FANK1: variants seen among roughly 807,000 people sequenced by gnomAD.
FANK1 encodes the protein fibronectin type 3 and ankyrin repeat domains protein 1.
In FANK1, 44 loss-of-function variants were observed where a neutral mutation model predicts 45.3. That is an observed-to-expected ratio of 0.97 (90% CI 0.76 to 1.25). The LOEUF is 1.25. Ranked by LOEUF, FANK1 falls within the 50% of genes most tolerant of loss-of-function variation. The pLI, the probability that FANK1 is intolerant of heterozygous loss-of-function variation, is 0.00. For synonymous variants in FANK1, 149 were observed against 152.5 expected, an observed-to-expected ratio of 0.98 and a Z score of 0.17; for missense variants, 391 against 424.4, an observed-to-expected ratio of 0.92 and a Z score of 0.69.
Position 125,988,621 on chromosome 10 carries a change from A to T in FANK1, c.262A>T (p.Thr88Ser). The part of the protein sequence containing the change: ...RTLYRFRLKV[T>S]SPSGECEYSP... ...GCTGTACAGATTTCGCCTGAAGGTCACCAGCCCCTCTGGGGAGTGTGAGTA... is the reference window on the plus strand; with the variant it reads ...GCTGTACAGATTTCGCCTGAAGGTCTCCAGCCCCTCTGGGGAGTGTGAGTA... The change falls in exon 3 of 11, where the codon ACC becomes TCC. Residue 88 changes from threonine to serine, a missense_variant. Thr to Ser is a moderately conservative substitution (Grantham distance 58, BLOSUM62 1). Transcript: ENST00000368693. 1 of 1,614,180 alleles carries T rather than the reference A, an allele frequency of 6.2e-7. No individual in the cohort carries two copies. Among genetic ancestry groups the T allele is most frequent in the Middle Eastern group, 1.6e-4 (1 of 6,062 alleles).
At chr10:125,996,525 A>C (rs1952341686) in intron 4 of FANK1, 25 bp from the exon 5 acceptor site, 1 of 1,612,762 alleles carries the variant, frequency 6.2e-7, no homozygotes, top group African/African-American at 1.3e-5. Context: ...GAGCATGTTT[A>C]TCTCTTTTCT....
chr10:125,993,723 C>T (rs763881056), intron 3 of FANK1, among the ~76,000 whole-genome samples: 15 of 152,066 alleles, frequency 9.9e-5, no homozygotes, highest in African/African-American at 1.7e-4. Context: ...GACAGGTTAT[C>T]GTGCGACTTT....
chr10:125,942,341 C>T (rs1051597395), intron 1 of FANK1, among the ~76,000 whole-genome samples: 15 of 152,238 alleles, frequency 9.9e-5, no homozygotes, highest in South Asian at 2.1e-4. Context: ...TGTTTACCTA[C>T]GTAACAAACC....
chr10:125,906,123 C>T (rs541982247), intron 1 of FANK1, among the ~76,000 whole-genome samples: 16 of 152,386 alleles, frequency 1.0e-4, no homozygotes, highest in South Asian at 2.1e-4. Flanking sequence ...TAGCAGCAAC[C>T]GCCATAAGCC....
intron 1 of FANK1, among the ~76,000 whole-genome samples, chr10:125,924,882 A>G (rs1316162415): frequency 6.6e-6 from 1 of 152,242 alleles, no homozygotes; most frequent in Admixed American, 6.5e-5. Context: ...AGTTTTTAAT[A>G]TGTAGAACTG....
intron 1 of FANK1, among the ~76,000 whole-genome samples, chr10:125,903,445 C>T (rs1414642003): frequency 6.6e-6 from 1 of 152,256 alleles, no homozygotes; most frequent in Admixed American, 6.5e-5. Flanking sequence ...TTGCTGTGCC[C>T]CAGACCTTTC....
At chr10:125,979,978 A>G in intron 1 of FANK1, 183 bp from the exon 2 acceptor site, 1 of 650,384 alleles carries the variant, frequency 1.5e-6, no homozygotes, top group Non-Finnish European at 2.7e-6. Context: ...TAGCTCACAC[A>G]TCAGCTGAAT....
At chr10:125,961,523 C>CT (rs1240871267) in intron 1 of FANK1, among the ~76,000 whole-genome samples, 3 of 151,904 alleles carry the variant, frequency 2.0e-5, no homozygotes, top group African/African-American at 7.3e-5. Flanking sequence ...GAAAATAGAC[C>CT]CTCACCTCTC....
At chr10:125,995,624 TC>T in intron 4 of FANK1, 126 bp downstream of exon 4, 1 of 792,710 alleles carries the variant, frequency 1.3e-6, no homozygotes, top group Non-Finnish European at 2.2e-6. Context: ...AAAATGGATC[TC>T]AGGTGACTGG....
At chr10:125,973,423 C>T (rs189501077) in intron 1 of FANK1, 8 of 985,120 alleles carry the variant, frequency 8.1e-6, no homozygotes, top group East Asian at 1.1e-4. Context: ...GATACAAGGA[C>T]GTGAAGATGT....
intron 1 of FANK1, among the ~76,000 whole-genome samples, chr10:125,949,186 G>A (rs1295897546): frequency 1.3e-5 from 2 of 151,642 alleles, no homozygotes; most frequent in African/African-American, 4.9e-5. Flanking sequence ...AAAACTGGAA[G>A]CATTCCCTTT....
chr10:125,985,679 T>C (rs1018924507), intron 2 of FANK1, among the ~76,000 whole-genome samples: 10 of 152,208 alleles, frequency 6.6e-5, no homozygotes, highest in African/African-American at 2.4e-4. Context: ...GACTTAGTGG[T>C]TGACAGCAGA....
intron 1 of FANK1, among the ~76,000 whole-genome samples, chr10:125,968,793 T>G (rs1950320905): frequency 6.6e-6 from 1 of 152,228 alleles, no homozygotes; most frequent in African/African-American, 2.4e-5. Flanking sequence ...ATAAATTTTA[T>G]AGTTTTCTAC....
At chr10:125,946,629 T>G (rs966210033) in intron 1 of FANK1, among the ~76,000 whole-genome samples, 5 of 150,730 alleles carry the variant, frequency 3.3e-5, no homozygotes, top group African/African-American at 1.2e-4. Context: ...AATCTACGTC[T>G]GATTGGTGTA....
intron 1 of FANK1, chr10:125,960,199 T>C: frequency 4.1e-6 from 1 of 242,492 alleles, no homozygotes. Context: ...CCTAGAGTCT[T>C]CAGGGTAAAG....
chr10:125,970,163 G>T (rs1950409099), intron 1 of FANK1, among the ~76,000 whole-genome samples: 1 of 152,178 alleles, frequency 6.6e-6, no homozygotes, highest in African/African-American at 2.4e-5. Context: ...CGGGGTGGCG[G>T]CCGGGCAGAG....
chr10:125,956,187 C>A (rs933803566), intron 1 of FANK1, among the ~76,000 whole-genome samples: 1 of 98,510 alleles, frequency 1.0e-5, no homozygotes, highest in Non-Finnish European at 1.9e-5. Flanking sequence ...ACCAGTACTT[C>A]TATGATACAT....
chr10:125,924,083 T>A (rs1449350808), intron 1 of FANK1, among the ~76,000 whole-genome samples: 1 of 152,042 alleles, frequency 6.6e-6, no homozygotes, highest in Non-Finnish European at 1.5e-5. Context: ...GCGACTACAC[T>A]CCAGCCTGGG....
At chr10:125,972,691 A>C (rs1950592701) in intron 1 of FANK1, 1 of 152,182 alleles carries the variant, frequency 6.6e-6, no homozygotes, top group African/African-American at 2.4e-5. Context: ...GTTTTGTATG[A>C]AAGTAAAGAA....
Sources: allele counts gnomAD v4.1 joint callset (sites outside exome capture counted in the v4.1 genomes callset), GRCh38; gene constraint gnomAD v4.1.1; transcripts MANE v1.5; gene names NCBI Gene and HGNC (gene_info 2026-07-23, HGNC 2026-07-21).